RFNG: variants seen among roughly 807,000 people sequenced by gnomAD.
The protein encoded by RFNG is RFNG O-fucosylpeptide 3-beta-N-acetylglucosaminyltransferase, also known as beta-1,3-N-acetylglucosaminyltransferase radical fringe.
Under a neutral mutation model 29.6 loss-of-function variants are expected in RFNG, and 37 were observed. That is an observed-to-expected ratio of 1.25 (90% CI 0.96 to 1.65). The LOEUF is 1.65. RFNG is among the 40% of genes most tolerant of loss of function. The pLI, the probability that RFNG is intolerant of heterozygous loss-of-function variation, is 0.00. For missense variants in RFNG, 546 were observed against 457.0 expected, an observed-to-expected ratio of 1.19 and a Z score of -1.78; for synonymous variants, 276 against 197.3, an observed-to-expected ratio of 1.40 and a Z score of -3.34.
At position 82,051,552 on chromosome 17, in the gene RFNG, C is replaced by G. The variant is rs757117555; in HGVS notation, c.215G>C (p.Gly72Ala). 14 of 1,397,624 alleles carry G rather than the reference C, an allele frequency of 1.0e-5. No individual in the cohort carries two copies. In the Admixed American group the frequency reaches 2.7e-4, roughly 27 times the overall value. The allele number at this position is 1,397,624 out of a possible 1,614,324, so 86.6% of individuals were successfully genotyped here. ...IAVKTTRKNHGPRLRLLLRTW... is the reference protein window; with the variant it reads ...IAVKTTRKNHAPRLRLLLRTW... ...GCGCAGCAGCAGCCGCAGGCGCGGCCCGTGGTTCTTCCGGGTGGTCTTGAC... is the reference window on the plus strand; with the variant it reads ...GCGCAGCAGCAGCCGCAGGCGCGGCGCGTGGTTCTTCCGGGTGGTCTTGAC... Residue 72 changes from glycine to alanine, a missense_variant, in exon 1 of 8, where the codon GGG (glycine) becomes GCG (alanine). Physicochemically the swap from Gly to Ala is moderately conservative, Grantham distance 60 (BLOSUM62 0). Transcript: ENST00000310496. The surrounding 1 kb of genome is among the most constrained non-coding windows in gnomAD (Gnocchi z 4.1).
rs1568029659 is a variant in RFNG, at chr17:82,049,912, A to ACT, written c.662+4_662+5dup. On this transcript the variant is annotated splice_donor_region_variant and intron_variant, in intron 5 of 7. Coordinates refer to ENST00000310496, the MANE Select transcript of RFNG (RefSeq NM_002917.2). ...TCCCAGCCCGGGCAGCTGGACCCCC[A>ACT]CTCACCTGGCCCATGGGCTCATCTT... The ACT allele has an allele frequency of 6.2e-7, 1 of 1,611,688 alleles. No individual in the cohort carries two copies. Among genetic ancestry groups the ACT allele is most frequent in the African/African-American group, 1.3e-5 (1 of 74,982 alleles).
chr17:82,049,578 C>A (rs2030139518), intron 6 of RFNG, 99 bp downstream of exon 6: 4 of 1,376,466 alleles, frequency 2.9e-6, no homozygotes, highest in Admixed American at 2.1e-5. Context: ...ATCCCACCTG[C>A]CTGCTCAGCC....
chr17:82,049,142 T>A (rs12939972), intron 6 of RFNG, 26 bp from the exon 7 acceptor site: 3 of 1,596,740 alleles, frequency 1.9e-6, no homozygotes, highest in South Asian at 1.1e-5. Flanking sequence ...GTGGGCAGAG[T>A]GTGTGGCCTG....
chr17:82,050,892 G>A (rs1283770288), intron 2 of RFNG, 128 bp from the exon 3 acceptor site: 1 of 1,409,526 alleles, frequency 7.1e-7, no homozygotes, highest in South Asian at 1.4e-5. Flanking sequence ...CACCTTGCCT[G>A]GGTCCAACCA....
chr17:82,050,596 G>C, intron 3 of RFNG, 41 bp from the exon 4 acceptor site: 1 of 1,608,386 alleles, frequency 6.2e-7, no homozygotes, highest in Non-Finnish European at 8.5e-7. Flanking sequence ...GCCTGGCATG[G>C]CTGGACAGGA....
chr17:82,049,718 C>G lies in RFNG; in HGVS notation c.787G>C (p.Glu263Gln). 12 of 1,507,260 alleles carry G rather than the reference C, an allele frequency of 8.0e-6. No individual in the cohort carries two copies. Among genetic ancestry groups the G allele is most frequent in the Non-Finnish European group, 1.1e-5 (12 of 1,130,728 alleles). The allele number at this position is 1,507,260 out of a possible 1,614,324, so 93.4% of individuals were successfully genotyped here. A position where few individuals can be genotyped will look rare whatever the true frequency, so the allele number is the denominator to read the frequency against. Reference sequence around the variant, plus strand: ...TCGGGCGGCAGCCTCTGCAGGTTCTCCAGGTGAGAGTGGAAGAGGGGGCTG... The same window carrying G: ...TCGGGCGGCAGCCTCTGCAGGTTCTGCAGGTGAGAGTGGAAGAGGGGGCTG... ...LHSPLFHSHL[E>Q]NLQRLPPDTL... The change falls in exon 6 of 8, where the codon GAG becomes CAG. Residue 263 changes from glutamate (E) to glutamine (Q), a missense_variant. Physicochemically the swap from Glu to Gln is conservative, Grantham distance 29. Coordinates refer to ENST00000310496, the MANE Select transcript of RFNG (RefSeq NM_002917.2).
chr17:82,047,978 C>G lies in RFNG; in HGVS notation c.*748G>C, dbSNP rs926185514. ...CAGAGGGGAGATGACGGCCCCTGTC[C>G]CATTTCCCTCCATGGAAGGCACCAG... is the stretch of plus-strand genomic sequence containing the variant. On this transcript the variant is annotated 3_prime_UTR_variant, in exon 8 of 8. Transcript: ENST00000310496. 1 of 152,330 alleles carries G rather than the reference C, an allele frequency of 6.6e-6. No individual in the cohort carries two copies. Among genetic ancestry groups the G allele is most frequent in the Non-Finnish European group, 1.5e-5 (1 of 68,114 alleles). 9.4% of individuals were successfully genotyped at this position (152,330 alleles called of 1,614,324 possible).
Position 82,049,674 on chromosome 17 carries a change from TACCTGCTGGAGCAGGGTGTCG to T in RFNG, c.810_828+2del. The T allele has an allele frequency of 6.8e-7, 1 of 1,464,734 alleles. No homozygotes were observed. The highest frequency in any genetic ancestry group is 9.0e-7 in the Non-Finnish European group (1 of 1,107,656). 90.7% of individuals were successfully genotyped at this position (1,464,734 alleles called of 1,614,324 possible). A position where few individuals can be genotyped will look rare whatever the true frequency, so the allele number is the denominator to read the frequency against. ...GCAGAGGCACCCAGAGTGGCGCCTGTACCTGCTGGAGCAGGGTGTCGGGCGGCAGCCTCTGCAGGTTCTCCA... is the reference window on the plus strand; with the variant it reads ...GCAGAGGCACCCAGAGTGGCGCCTGTGGCGGCAGCCTCTGCAGGTTCTCCA... On this transcript the variant is annotated splice_donor_variant and coding_sequence_variant, in exon 6 of 8. Coordinates refer to ENST00000310496, the MANE Select transcript of RFNG (RefSeq NM_002917.2). LOFTEE classifies it high-confidence loss of function.
At chr17:82,050,368 C>T (rs753263950) in intron 4 of RFNG, 34 bp downstream of exon 4, 18 of 1,534,304 alleles carry the variant, frequency 1.2e-5, no homozygotes, top group African/African-American at 8.3e-5. Context: ...TCAAGGAAGG[C>T]GTCTGCTCCG....
At chr17:82,048,838 G>T in intron 7 of RFNG, 31 bp from the exon 8 acceptor site, 1 of 1,586,442 alleles carries the variant, frequency 6.3e-7, no homozygotes, top group Non-Finnish European at 8.7e-7. Context: ...GGTCAGGGCC[G>T]TGGGCGGAGA....
At chr17:82,049,255 C>T in intron 6 of RFNG, 139 bp from the exon 7 acceptor site, 2 of 740,556 alleles carry the variant, frequency 2.7e-6, no homozygotes, top group South Asian at 3.0e-5. Flanking sequence ...TTGGAAACAG[C>T]ATTGAAGCAT....
chr17:82,050,544 TGGC>T lies in RFNG; in HGVS notation c.428_430del (p.Cys143_His144delinsTyr). ...GTTCACATAATTGTCATCATCCACG[TGGC>T]AAAACCACCTGTGGGCGAGGGGAGT... On this transcript the variant is annotated inframe_deletion, in exon 4 of 8. Coordinates refer to ENST00000310496, the MANE Select transcript of RFNG (RefSeq NM_002917.2). 1 of 1,611,676 alleles carries T rather than the reference TGGC, an allele frequency of 6.2e-7. No homozygotes were observed. The highest frequency in any genetic ancestry group is 8.5e-7 in the Non-Finnish European group (1 of 1,178,908).
Position 82,051,533 on chromosome 17 carries a change from C to A in RFNG, c.234G>T (p.Leu78=), listed in dbSNP as rs1234816257. 7.1e-7 allele frequency: 1 copy of A among 1,399,528 alleles called. No individual in the cohort carries two copies. The allele number at this position is 1,399,528 out of a possible 1,614,324, so 86.7% of individuals were successfully genotyped here. The part of the protein sequence containing the change: ...RKNHGPRLRL[L]LRTWISRARQ... ...GGGCCCGGGAGATCCAGGTGCGCAG[C>A]AGCAGCCGCAGGCGCGGCCCGTGGT... Residue 78 remains leucine (L), a synonymous_variant, in exon 1 of 8, where the codon CTG becomes CTT. Coordinates refer to ENST00000310496, the MANE Select transcript of RFNG (RefSeq NM_002917.2). The surrounding 1 kb of genome is among the most constrained non-coding windows in gnomAD (Gnocchi z 4.1).
In RFNG at chr17:82,050,769, G is replaced by A. The variant is rs1170642606; in HGVS notation, c.317-5C>T. The A allele has an allele frequency of 9.3e-6, 15 of 1,612,256 alleles. No individual in the cohort carries two copies. Among genetic ancestry groups the A allele is most frequent in the Non-Finnish European group, 1.2e-5 (14 of 1,179,542 alleles). The stretch of plus-strand genomic sequence containing the variant: ...TGGTGTTGATGACACGGTCGCCTGC[G>A]AATCAGAGACGGGAAGCACGCACGT... On this transcript the variant is annotated splice_region_variant and splice_polypyrimidine_tract_variant and intron_variant, in intron 2 of 7. Transcript: ENST00000310496.
rs1451894711 is a variant in RFNG, at chr17:82,048,816, G to A, written c.915-9C>T. 5 of 1,609,690 alleles carry A rather than the reference G, an allele frequency of 3.1e-6. No individual in the cohort carries two copies. Among genetic ancestry groups the A allele is most frequent in the Non-Finnish European group, 3.4e-6 (4 of 1,176,516 alleles). On this transcript the variant is annotated splice_polypyrimidine_tract_variant and intron_variant, in intron 7 of 7. Transcript: ENST00000310496. ...AATGGATAGACTTAAACCTGGGGAA[G>A]GAAGAAGTAGGGGTCAGGGCCGTGG... is the stretch of plus-strand genomic sequence containing the variant.
Position 82,049,744 on chromosome 17 carries a change from T to A in RFNG, c.761A>T (p.His254Leu). ...CAGGTGAGAGTGGAAGAGGGGGCTG[T>A]GCAGCAGGCGGGCGCCCAGGAGCCC... Reference protein sequence around the residue: ...VEGLLGARLLHSPLFHSHLEN... With the variant: ...VEGLLGARLLLSPLFHSHLEN... Residue 254 changes from histidine to leucine, a missense_variant, in exon 6 of 8, where the codon CAC becomes CTC. Coordinates refer to ENST00000310496, the MANE Select transcript of RFNG (RefSeq NM_002917.2). The A allele has an allele frequency of 6.6e-7, 1 of 1,520,092 alleles. No homozygotes were observed. Among genetic ancestry groups the A allele is most frequent in the Non-Finnish European group, 8.8e-7 (1 of 1,137,406 alleles). 94.2% of individuals were successfully genotyped at this position (1,520,092 alleles called of 1,614,324 possible). A position where few individuals can be genotyped will look rare whatever the true frequency, so the allele number is the denominator to read the frequency against.
At position 82,050,842 on chromosome 17, in the gene RFNG, C is replaced by T. The variant is rs1187775121; in HGVS notation, c.317-78G>A. Reference sequence around the variant, plus strand: ...GTAAGGCCTGTGCCCCACCTGCCCCCAAGGGCCAGGGCACAACGTGGCTGT... The same window carrying T: ...GTAAGGCCTGTGCCCCACCTGCCCCTAAGGGCCAGGGCACAACGTGGCTGT... On this transcript the variant is annotated intron_variant, in intron 2 of 7. Coordinates refer to ENST00000310496, the MANE Select transcript of RFNG (RefSeq NM_002917.2). The T allele has an allele frequency of 3.3e-6, 5 of 1,502,022 alleles. No homozygotes were observed. The African/African-American group carries it at 5.5e-5, about 16-fold the overall frequency. 93.0% of individuals were successfully genotyped at this position (1,502,022 alleles called of 1,614,324 possible). A position where few individuals can be genotyped will look rare whatever the true frequency, so the allele number is the denominator to read the frequency against.
At chr17:82,050,084 C>T in intron 4 of RFNG, 78 bp from the exon 5 acceptor site, 1 of 1,246,160 alleles carries the variant, frequency 8.0e-7, no homozygotes, top group Non-Finnish European at 1.2e-6. Flanking sequence ...CCCCAGGCAT[C>T]TTTCTTAAGC....
rs144203478 is a variant in RFNG, at chr17:82,048,743, C to T, written c.979G>A (p.Ala327Thr). ...GGTTGGTGTCACCGAGAGGTCGGGGCGCCCTGTTTCTGCCTGGGACACCAG... is the reference window on the plus strand; with the variant it reads ...GGTTGGTGTCACCGAGAGGTCGGGGTGCCCTGTTTCTGCCTGGGACACCAG... ...TDWCPRQKQG[A>T]PTSR The change falls in exon 8 of 8, where the codon GCC becomes ACC. Residue 327 changes from alanine to threonine, a missense_variant. Physicochemically the swap from Ala to Thr is moderately conservative, Grantham distance 58. Coordinates refer to ENST00000310496, the MANE Select transcript of RFNG (RefSeq NM_002917.2). 8.7e-4 allele frequency: 1,397 copies of T among 1,612,980 alleles called. 6 individuals carry two copies. In the African/African-American group the frequency reaches 9.3e-3, roughly 11 times the overall value.
Sources: gnomAD v4.1 joint callset for allele counts on GRCh38, gnomAD v4.1.1 for gene constraint, Gnocchi (gnomAD v3.1) non-coding constraint, MANE v1.5 for transcripts, NCBI Gene and HGNC (gene_info 2026-07-23, HGNC 2026-07-21) for gene names.